The following LINGO2 variants were observed in gnomAD, a reference collection of about 807,000 sequenced individuals.
The protein encoded by LINGO2 is leucine rich repeat and Ig domain containing 2, also known as leucine-rich repeat and immunoglobulin-like domain-containing nogo receptor-interacting protein 2.
A neutral mutation model predicts 30.6 loss-of-function variants in LINGO2; 14 were observed. The ratio of observed to expected loss-of-function variants is 0.46; its 90% CI spans 0.30 to 0.72. LINGO2 has a LOEUF of 0.72. Among genes scored for constraint, LINGO2 ranks in the 30% least tolerant of loss-of-function variants. The pLI is 0.07. For synonymous variants in LINGO2, 317 were observed against 288.5 expected, an observed-to-expected ratio of 1.10 and a Z score of -1.00; for missense variants, 729 against 751.7, an observed-to-expected ratio of 0.97 and a Z score of 0.35.
chr9:29,035,409 C>T, the LINGO2 span, among the ~76,000 whole-genome samples: 2 of 151,716 alleles, frequency 1.3e-5, no homozygotes, highest in South Asian at 4.2e-4. Flanking sequence ...GATACATTAG[C>T]CTATTAAGAA....
intron 1 of LINGO2, among the ~76,000 whole-genome samples, chr9:28,592,348 T>C (rs965548276): frequency 1.3e-5 from 2 of 152,088 alleles, no homozygotes; most frequent in Admixed American, 1.3e-4. Flanking sequence ...CTTAAATAAC[T>C]GATATTTGTA....
chr9:28,455,619 T>C (rs2135094171), intron 2 of LINGO2, among the ~76,000 whole-genome samples: 1 of 152,270 alleles, frequency 6.6e-6, no homozygotes, highest in Non-Finnish European at 1.5e-5. Flanking sequence ...AAGAGCAATG[T>C]ATTTAATTTG....
the LINGO2 span, among the ~76,000 whole-genome samples, chr9:28,986,429 CA>C: frequency 3.3e-5 from 5 of 151,988 alleles, no homozygotes; most frequent in East Asian, 9.7e-4. Flanking sequence ...GGAATTTCAA[CA>C]AAAACTACAT....
the LINGO2 span, among the ~76,000 whole-genome samples, chr9:29,133,750 C>T: frequency 2.0e-5 from 3 of 152,116 alleles, no homozygotes; most frequent in Non-Finnish European, 4.4e-5. Flanking sequence ...CTTTCCAATC[C>T]ATCACTGTCA....
intron 1 of LINGO2, among the ~76,000 whole-genome samples, chr9:28,621,973 C>T (rs558621684): frequency 6.6e-6 from 1 of 152,100 alleles, no homozygotes; most frequent in African/African-American, 2.4e-5. Flanking sequence ...TCCATGCAAG[C>T]GTTACCACAA....
chr9:28,535,726 G>GCACA (rs35045943), intron 1 of LINGO2, among the ~76,000 whole-genome samples: 5,620 of 149,944 alleles, frequency 0.037, 237 homozygotes, highest in African/African-American at 0.098. Context: ...ACGTGTGGAC[G>GCACA]CACACACACA....
the LINGO2 span, among the ~76,000 whole-genome samples, chr9:29,120,793 A>G: frequency 6.6e-6 from 1 of 152,194 alleles, no homozygotes; most frequent in Non-Finnish European, 1.5e-5. Flanking sequence ...TGCAACTTTA[A>G]TGTTCTAAGC....
rs189539381 is a variant in LINGO2 at position 28,083,141 on chromosome 9, A to C, written c.-86-70736T>G. Among the ~76,000 whole-genome samples the C allele has an allele frequency of 2.6e-5, 4 of 152,264 alleles. No homozygotes were observed. In the East Asian group the frequency reaches 5.8e-4, roughly 22 times the overall value. On this transcript the variant is annotated intron_variant, in intron 4 of 5. Transcript: ENST00000379992. Reference sequence around the variant, plus strand: ...ATGCTGAGACTCACATGCATTGCTAAACATTACCTCCCAAAACAAGATTCC... The same window carrying C: ...ATGCTGAGACTCACATGCATTGCTACACATTACCTCCCAAAACAAGATTCC...
intron 4 of LINGO2, among the ~76,000 whole-genome samples, chr9:28,192,629 C>T (rs1819861641): frequency 2.0e-5 from 3 of 152,176 alleles, no homozygotes; most frequent in African/African-American, 7.2e-5. Flanking sequence ...AATGCAAAGT[C>T]AATCTGTTTC....
At chr9:28,912,101 T>G in the LINGO2 span, among the ~76,000 whole-genome samples, 3 of 152,168 alleles carry the variant, frequency 2.0e-5, no homozygotes, top group Non-Finnish European at 4.4e-5. Context: ...GCAACATGGC[T>G]TAATCTAACC....
At chr9:28,282,666 T>C (rs891357957) in intron 4 of LINGO2, among the ~76,000 whole-genome samples, 1 of 152,136 alleles carries the variant, frequency 6.6e-6, no homozygotes, top group Non-Finnish European at 1.5e-5. Flanking sequence ...TGATAATCAA[T>C]TTTGCATCAA....
At chr9:28,792,059 A>ATG in the LINGO2 span, among the ~76,000 whole-genome samples, 2 of 151,274 alleles carry the variant, frequency 1.3e-5, no homozygotes, top group African/African-American at 4.8e-5. Flanking sequence ...GTATATATAT[A>ATG]TATGTATGTA....
chr9:28,250,508 A>G (rs545874299), intron 4 of LINGO2, among the ~76,000 whole-genome samples: 2 of 152,224 alleles, frequency 1.3e-5, no homozygotes, highest in East Asian at 3.9e-4. Flanking sequence ...TTTTCTAGTG[A>G]AAGGACCAGG....
At chr9:28,175,673 T>C (rs1386845787) in intron 4 of LINGO2, among the ~76,000 whole-genome samples, 1 of 152,188 alleles carries the variant, frequency 6.6e-6, no homozygotes, top group African/African-American at 2.4e-5. Context: ...TGGGACCCTA[T>C]CCAGGAATAT....
At chr9:29,096,291 AT>A in the LINGO2 span, among the ~76,000 whole-genome samples, 2 of 138,216 alleles carry the variant, frequency 1.4e-5, 1 homozygote, top group African/African-American at 5.5e-5. Flanking sequence ...TTTATTTTTT[AT>A]TTTTTTATTT....
intron 1 of LINGO2, among the ~76,000 whole-genome samples, chr9:28,656,358 A>G (rs896768119): frequency 6.6e-6 from 1 of 152,136 alleles, no homozygotes; most frequent in Non-Finnish European, 1.5e-5. Flanking sequence ...AAAAGATAAT[A>G]AGTATACAAT....
chr9:29,168,144 T>A, the LINGO2 span, among the ~76,000 whole-genome samples: 1 of 152,124 alleles, frequency 6.6e-6, no homozygotes, highest in African/African-American at 2.4e-5. Context: ...ATGTCTCTTA[T>A]CAGTTTTGTA....
intron 3 of LINGO2, among the ~76,000 whole-genome samples, chr9:28,337,468 T>C (rs1311441901): frequency 6.6e-6 from 1 of 152,084 alleles, no homozygotes; most frequent in African/African-American, 2.4e-5. Context: ...CTGCAGAAAT[T>C]TGTATAAGTA....
At chr9:28,025,713 T>A (rs1823343025) in intron 4 of LINGO2, among the ~76,000 whole-genome samples, 1 of 152,208 alleles carries the variant, frequency 6.6e-6, no homozygotes, top group Non-Finnish European at 1.5e-5. Flanking sequence ...AGGAGAATTG[T>A]TAGATCAGAA....
Sources: gnomAD v4.1 joint callset for allele counts (sites outside exome capture counted in the v4.1 genomes callset) on GRCh38, gnomAD v4.1.1 for gene constraint, MANE v1.5 for transcripts, NCBI Gene and HGNC (gene_info 2026-07-23, HGNC 2026-07-21) for gene names.